LRRTM4: variants seen among roughly 807,000 people sequenced by gnomAD.
LRRTM4 encodes leucine rich repeat transmembrane neuronal 4.
In LRRTM4, 25 loss-of-function variants were observed where a neutral mutation model predicts 47.6. The ratio of observed to expected loss-of-function variants is 0.53; its 90% confidence interval spans 0.38 to 0.73. The LOEUF is 0.73. Ranked by LOEUF, LRRTM4 falls within the 30% of genes least tolerant of loss-of-function variation. The pLI, the probability that LRRTM4 is intolerant of heterozygous loss-of-function variation, is 0.00. For synonymous variants in LRRTM4, 311 were observed against 269.5 expected, an observed-to-expected ratio of 1.15 and a Z score of -1.51; for missense variants, 638 against 713.4, an observed-to-expected ratio of 0.89 and a Z score of 1.20.
chr2:76,839,445 T>C (rs1212731507), intron 3 of LRRTM4, among the ~76,000 whole-genome samples: 1 of 152,152 alleles, frequency 6.6e-6, no homozygotes, highest in Non-Finnish European at 1.5e-5. Flanking sequence ...AATGCATTAC[T>C]TTTGCTATAT....
chr2:77,062,392 A>G (rs1009749371), intron 3 of LRRTM4, among the ~76,000 whole-genome samples: 18 of 152,246 alleles, frequency 1.2e-4, no homozygotes, highest in African/African-American at 4.1e-4. Context: ...GAGTCCCTGC[A>G]GGAAAATGAT....
intron 3 of LRRTM4, among the ~76,000 whole-genome samples, chr2:77,393,947 C>A (rs1296933632): frequency 6.6e-6 from 1 of 151,890 alleles, no homozygotes; most frequent in African/African-American, 2.4e-5. Context: ...TTAGTATTAA[C>A]ATTTATTCGA....
intron 3 of LRRTM4, among the ~76,000 whole-genome samples, chr2:77,319,196 G>T (rs551445032): frequency 6.6e-6 from 1 of 152,160 alleles, no homozygotes; most frequent in South Asian, 2.1e-4. Flanking sequence ...GACCAGCCTG[G>T]TCAAAATAGT....
chr2:76,767,431 TAAA>T (rs1188976951), intron 3 of LRRTM4, among the ~76,000 whole-genome samples: 1 of 152,178 alleles, frequency 6.6e-6, no homozygotes, highest in African/African-American at 2.4e-5. Context: ...GATTCCCATT[TAAA>T]AAATGGTAAA....
At position 76,987,185 on chromosome 2, in the gene LRRTM4, CTTTTT is replaced by C. The variant is rs146143978; in HGVS notation, c.1552-238274_1552-238270del. On this transcript the variant is annotated intron_variant, in intron 3 of 3. Coordinates refer to ENST00000409884, the MANE Select transcript of LRRTM4 (RefSeq NM_001134745.3). Reference sequence around the variant, plus strand: ...ACAGTATTATTAATTTTTATATTTTCTTTTTAAGAAGTATTGTTTCTTTTTATAAC... The same window carrying C: ...ACAGTATTATTAATTTTTATATTTTCAAGAAGTATTGTTTCTTTTTATAAC... Among the ~76,000 whole-genome samples the C allele has an allele frequency of 2.1e-3, 325 of 151,532 alleles. 1 individual carries two copies. The highest frequency in any genetic ancestry group is 7.7e-3 in the African/African-American group (318 of 41,378).
intron 3 of LRRTM4, among the ~76,000 whole-genome samples, chr2:77,325,362 C>T (rs1302440688): frequency 1.3e-5 from 2 of 152,084 alleles, no homozygotes; most frequent in South Asian, 2.1e-4. Flanking sequence ...CTGGCCAAGA[C>T]GTGAGTTCAG....
At chr2:76,865,420 T>C (rs1319254068) in intron 3 of LRRTM4, among the ~76,000 whole-genome samples, 1 of 152,188 alleles carries the variant, frequency 6.6e-6, no homozygotes, top group Non-Finnish European at 1.5e-5. Context: ...ATGGCTATTT[T>C]TGAATAGGTT....
At chr2:77,129,097 C>A (rs938233437) in intron 3 of LRRTM4, among the ~76,000 whole-genome samples, 1 of 152,166 alleles carries the variant, frequency 6.6e-6, no homozygotes, top group African/African-American at 2.4e-5. Context: ...CTTTTGGAGT[C>A]TCTTACACAA....
intron 3 of LRRTM4, among the ~76,000 whole-genome samples, chr2:76,868,261 G>A (rs1275944103): frequency 1.3e-5 from 2 of 152,094 alleles, no homozygotes; most frequent in Admixed American, 6.5e-5. Context: ...TTTCTTGTTT[G>A]GTAAAATTAA....
At chr2:77,090,859 G>A (rs954409015) in intron 3 of LRRTM4, among the ~76,000 whole-genome samples, 5 of 152,244 alleles carry the variant, frequency 3.3e-5, no homozygotes, top group South Asian at 2.1e-4. Flanking sequence ...CTGCCCGATT[G>A]CCTCGGCAGC....
intron 3 of LRRTM4, among the ~76,000 whole-genome samples, chr2:77,373,859 C>G (rs954911990): frequency 6.6e-6 from 1 of 151,730 alleles, no homozygotes; most frequent in Admixed American, 6.6e-5. Flanking sequence ...GGAAACAGCT[C>G]AGGTTAACAC....
At chr2:77,443,732 G>T (rs973854117) in intron 3 of LRRTM4, among the ~76,000 whole-genome samples, 1 of 151,930 alleles carries the variant, frequency 6.6e-6, no homozygotes, top group African/African-American at 2.4e-5. Flanking sequence ...ACCACAGCTG[G>T]GTCTTGTAAT....
chr2:77,115,182 A>C (rs1324211578), intron 3 of LRRTM4, among the ~76,000 whole-genome samples: 1 of 152,152 alleles, frequency 6.6e-6, no homozygotes, highest in Non-Finnish European at 1.5e-5. Flanking sequence ...TATTTCTCCT[A>C]CTTGCATGTC....
intron 3 of LRRTM4, among the ~76,000 whole-genome samples, chr2:77,395,211 G>A (rs73941271): frequency 0.032 from 4,930 of 151,942 alleles, 280 homozygotes; most frequent in African/African-American, 0.11. Context: ...TATAAGAGGC[G>A]TATCTGACCT....
chr2:77,166,007 G>A (rs1672873676), intron 3 of LRRTM4, among the ~76,000 whole-genome samples: 1 of 152,218 alleles, frequency 6.6e-6, no homozygotes, highest in South Asian at 2.1e-4. Context: ...ATTAGGAAAA[G>A]AGGAAGTCAA....
chr2:76,791,162 A>T (rs1357333706), intron 3 of LRRTM4, among the ~76,000 whole-genome samples: 3 of 152,202 alleles, frequency 2.0e-5, no homozygotes, highest in African/African-American at 7.2e-5. Context: ...CTAAAGACAG[A>T]AAATGATAGA....
rs187016821 is a variant in LRRTM4 at position 77,063,184 on chromosome 2, G to A, written c.1552-314268C>T. ...CATATTGGCCAGGCTGGTCTCGAACGCCTGACCTCGTGATCCGCCCACCTC... is the reference window on the plus strand; with the variant it reads ...CATATTGGCCAGGCTGGTCTCGAACACCTGACCTCGTGATCCGCCCACCTC... On this transcript the variant is annotated intron_variant, in intron 3 of 3. Coordinates refer to ENST00000409884, the MANE Select transcript of LRRTM4 (RefSeq NM_001134745.3). Among the ~76,000 whole-genome samples the A allele has an allele frequency of 1.8e-3, 279 of 151,810 alleles. 7 individuals are homozygous for A. In the East Asian group the frequency reaches 0.037, roughly 20 times the overall value.
intron 3 of LRRTM4, among the ~76,000 whole-genome samples, chr2:76,883,003 C>G (rs1672974019): frequency 6.6e-6 from 1 of 152,176 alleles, no homozygotes; most frequent in Admixed American, 6.5e-5. Context: ...AAGCTGGCTC[C>G]ACTCTGCCAG....
At chr2:77,015,444 T>C (rs1400499931) in intron 3 of LRRTM4, among the ~76,000 whole-genome samples, 1 of 152,098 alleles carries the variant, frequency 6.6e-6, no homozygotes, top group Non-Finnish European at 1.5e-5. Context: ...CAAGCAATTC[T>C]CCTGCCTCAG....
Sources: allele counts gnomAD v4.1 joint callset (sites outside exome capture counted in the v4.1 genomes callset), GRCh38; gene constraint gnomAD v4.1.1; transcripts MANE v1.5; gene names NCBI Gene and HGNC (gene_info 2026-07-23, HGNC 2026-07-21).